STX6: variants seen among roughly 807,000 people sequenced by gnomAD.
STX6 encodes the protein syntaxin 6, also known as syntaxin-6.
Under a neutral mutation model 38.0 loss-of-function variants are expected in STX6, and 23 were observed. That is an observed-to-expected ratio of 0.60 (90% CI 0.43 to 0.86). The LOEUF is 0.86. Among genes scored for constraint, STX6 ranks in the 40% least tolerant of loss-of-function variants. STX6 has a pLI of 0.00. For missense variants in STX6, 274 were observed against 312.9 expected, an observed-to-expected ratio of 0.88 and a Z score of 0.94; for synonymous variants, 123 against 107.5, an observed-to-expected ratio of 1.14 and a Z score of -0.89.
At chr1:181,000,930 A>C (rs1656063823) in intron 3 of STX6, among the ~76,000 whole-genome samples, 1 of 151,970 alleles carries the variant, frequency 6.6e-6, no homozygotes, top group South Asian at 2.1e-4. Context: ...CTTATCTTAC[A>C]AAAAATATGT....
intron 3 of STX6, among the ~76,000 whole-genome samples, chr1:180,994,564 G>A (rs997042746): frequency 2.0e-5 from 3 of 152,300 alleles, no homozygotes; most frequent in Non-Finnish European, 2.9e-5. Context: ...AATAAGCCAG[G>A]CACAGAAAGA....
At chr1:181,007,466 G>C (rs75650929) in intron 1 of STX6, among the ~76,000 whole-genome samples, 6,522 of 152,220 alleles carry the variant, frequency 0.043, 270 homozygotes, top group African/African-American at 0.11. Flanking sequence ...TGTAAGTACT[G>C]AGTATCATTT....
At position 180,974,539 on chromosome 1, in the gene STX6, T is replaced by C. The variant is rs1490890373; in HGVS notation, c.*2031A>G. The C allele has an allele frequency of 6.6e-6, 1 of 152,638 alleles. No individual in the cohort carries two copies. The highest frequency in any genetic ancestry group is 1.5e-5 in the Non-Finnish European group (1 of 68,038). The allele number at this position is 152,638 out of a possible 1,614,324, so 9.5% of individuals were successfully genotyped here. ...CACATGATCCTTTTGTGTGGCACAA[T>C]AAATCTGGTAATAGCAGAACAATAG... On this transcript the variant is annotated 3_prime_UTR_variant, in exon 8 of 8. Transcript: ENST00000258301.
At chr1:181,002,571 T>G (rs368501963) in intron 3 of STX6, 35 bp downstream of exon 3, 1 of 1,500,818 alleles carries the variant, frequency 6.7e-7, no homozygotes. Flanking sequence ...TGGCTATTTC[T>G]TATACAGATA....
At chr1:180,982,449 A>T (rs1558087009) in intron 7 of STX6, among the ~76,000 whole-genome samples, 1 of 152,238 alleles carries the variant, frequency 6.6e-6, no homozygotes, top group African/African-American at 2.4e-5. Flanking sequence ...TTCCTATACA[A>T]ATATAACCAA....
chr1:180,984,089 A>AAAAAAC lies in STX6; in HGVS notation c.691+587_691+588insGTTTTT, dbSNP rs141306282. ...AAAAAAAAAAAAAAAAAAAAAAAAAAACACAACGAAAGTGACTCTACTGGG... is the reference window on the plus strand; with the variant it reads ...AAAAAAAAAAAAAAAAAAAAAAAAAAAAAAACACACAACGAAAGTGACTCTACTGGG... On this transcript the variant is annotated intron_variant, in intron 7 of 7. Coordinates refer to ENST00000258301, the MANE Select transcript of STX6 (RefSeq NM_005819.6). Among the ~76,000 whole-genome samples, 169 of 97,004 alleles carry AAAAAAC rather than the reference A, an allele frequency of 1.7e-3. 14 individuals carry two copies. The highest frequency in any genetic ancestry group is 3.3e-3 in the African/African-American group (104 of 31,522). The allele number at this position is 97,004 out of a possible 152,430, so 63.6% of individuals were successfully genotyped here.
intron 1 of STX6, among the ~76,000 whole-genome samples, chr1:181,008,573 GTCTACT>G (rs1656294294): frequency 6.6e-6 from 1 of 152,042 alleles, no homozygotes; most frequent in Non-Finnish European, 1.5e-5. Flanking sequence ...GAAAGTATTA[GTCTACT>G]GAGTATTGCA....
intron 7 of STX6, among the ~76,000 whole-genome samples, chr1:180,978,065 C>G (rs1049380175): frequency 2.0e-5 from 3 of 152,236 alleles, no homozygotes; most frequent in Non-Finnish European, 4.4e-5. Flanking sequence ...GCAGGTCACA[C>G]TTTGACCTGT....
At chr1:180,981,907 C>G (rs3789364) in intron 7 of STX6, among the ~76,000 whole-genome samples, 85,026 of 151,982 alleles carry the variant, frequency 0.56, 24,122 homozygotes, top group East Asian at 0.63. Flanking sequence ...AAAGTCAGAG[C>G]GGAACAAAAG....
intron 1 of STX6, among the ~76,000 whole-genome samples, chr1:181,012,672 CTTT>C (rs58296301): frequency 3.4e-5 from 4 of 118,908 alleles, no homozygotes; most frequent in East Asian, 2.4e-4. Flanking sequence ...TTCTTCCATT[CTTT>C]TTTTTTTTTT....
chr1:180,990,080 G>C lies in STX6; in HGVS notation c.393C>G (p.Asn131Lys), dbSNP rs774925911. Residue 131 changes from asparagine (N) to lysine (K), a missense_variant, in exon 5 of 8, where the codon AAC (asparagine) becomes AAG (lysine). By Grantham distance (94) the Asn-to-Lys change is moderately conservative. Coordinates refer to ENST00000258301, the MANE Select transcript of STX6 (RefSeq NM_005819.6). ...QALLGDSGSQ[N>K]WSTGTTDKYG... Reference sequence around the variant, plus strand: ...ATTTATCTGTTGTTCCAGTGCTCCAGTTCTGGCTGCCACTGTCTCCCAGCA... The same window carrying C: ...ATTTATCTGTTGTTCCAGTGCTCCACTTCTGGCTGCCACTGTCTCCCAGCA... The C allele has an allele frequency of 6.2e-7, 1 of 1,614,152 alleles. No homozygotes were observed. Among genetic ancestry groups the C allele is most frequent in the East Asian group, 2.2e-5 (1 of 44,874 alleles).
At chr1:180,981,108 T>C (rs1445417214) in intron 7 of STX6, among the ~76,000 whole-genome samples, 1 of 152,200 alleles carries the variant, frequency 6.6e-6, no homozygotes, top group Non-Finnish European at 1.5e-5. Context: ...ATACATGTCA[T>C]TTATACATTT....
At chr1:180,990,561 A>AG (rs1655728298) in intron 4 of STX6, among the ~76,000 whole-genome samples, 1 of 30,046 alleles carries the variant, frequency 3.3e-5, no homozygotes, top group South Asian at 6.3e-4. Flanking sequence ...TGGTGGGGGG[A>AG]AAGGGAGAGT....
chr1:181,012,617 T>G (rs1473753508), intron 1 of STX6, among the ~76,000 whole-genome samples: 1 of 151,470 alleles, frequency 6.6e-6, no homozygotes, highest in Non-Finnish European at 1.5e-5. Flanking sequence ...CTTTGAAGAA[T>G]GCATCTTTTG....
intron 7 of STX6, among the ~76,000 whole-genome samples, chr1:180,979,665 T>C (rs552290288): frequency 2.6e-5 from 4 of 152,220 alleles, no homozygotes; most frequent in Non-Finnish European, 5.9e-5. Flanking sequence ...CCAAAGACAC[T>C]ATATATCCAT....
At chr1:180,992,470 A>G (rs1655781800) in intron 4 of STX6, among the ~76,000 whole-genome samples, 1 of 152,238 alleles carries the variant, frequency 6.6e-6, no homozygotes, top group African/African-American at 2.4e-5. Context: ...TGGACAATTC[A>G]TAACTTTCTG....
chr1:180,985,638 A>T (rs1040216308), intron 6 of STX6, among the ~76,000 whole-genome samples: 1 of 152,236 alleles, frequency 6.6e-6, no homozygotes, highest in Non-Finnish European at 1.5e-5. Flanking sequence ...GCAGGCTTAC[A>T]CTATTTGCTG....
At chr1:181,012,817 G>C (rs1274952953) in intron 1 of STX6, among the ~76,000 whole-genome samples, 1 of 151,774 alleles carries the variant, frequency 6.6e-6, no homozygotes, top group Non-Finnish European at 1.5e-5. Flanking sequence ...TGGGATTACA[G>C]GCATGCACCA....
In STX6 at chr1:180,979,403, A is replaced by G. The variant is rs76995937; in HGVS notation, c.692-2757T>C. ...AAATAGGCTGACATAAATACAGTCA[A>G]CTGATCTTTCACAAAGGAGCAAGTG... On this transcript the variant is annotated intron_variant, in intron 7 of 7. Transcript: ENST00000258301. Among the ~76,000 whole-genome samples, 1,129 of 152,390 alleles carry G rather than the reference A, an allele frequency of 7.4e-3. 15 individuals are homozygous for G. Among genetic ancestry groups the G allele is most frequent in the African/African-American group, 0.023 (941 of 41,596 alleles).
Sources: gnomAD v4.1 joint callset for allele counts (sites outside exome capture counted in the v4.1 genomes callset) on GRCh38, gnomAD v4.1.1 for gene constraint, MANE v1.5 for transcripts, NCBI Gene and HGNC (gene_info 2026-07-23, HGNC 2026-07-21) for gene names.